Variants in LDHD observed in about 807,000 individuals in gnomAD.
LDHD encodes the protein lactate dehydrogenase D, also known as D-lactate dehydrogenase, mitochondrial.
A neutral mutation model predicts 52.9 loss-of-function variants in LDHD; 58 were observed. The ratio of observed to expected loss-of-function variants is 1.10; its 90% CI spans 0.89 to 1.36. The LOEUF (loss-of-function observed/expected upper bound fraction) is 1.36, where lower values mean the gene tolerates loss of function less well. Ranked by LOEUF, LDHD falls within the 40% of genes most tolerant of loss-of-function variation. The probability of loss-of-function intolerance (pLI) is 0.00; values close to 1 mark genes in which losing one functional copy is unlikely to be tolerated. For missense variants in LDHD, 747 were observed against 668.0 expected (o/e 1.12, Z -1.30); for synonymous variants, 350 against 288.6 (o/e 1.21, Z -2.16).
chr16:75,112,951 C>T (rs749102531), intron 8 of LDHD, 27 bp from the exon 9 acceptor site: 1 of 1,569,662 alleles, frequency 6.4e-7, no homozygotes, highest in Admixed American at 1.7e-5. Context: ...CTATGAGTTA[C>T]CCCTGCCTGA....
At chr16:75,115,498 C>T in intron 2 of LDHD, 50 bp downstream of exon 2, 2 of 1,590,632 alleles carry the variant, frequency 1.3e-6, no homozygotes, top group East Asian at 2.2e-5. Context: ...TCTCTCTCAG[C>T]TGGGGTTGAA....
rs113291489 is a variant in LDHD, at chr16:75,113,673, G to A, written c.959-11C>T. On this transcript the variant is annotated splice_polypyrimidine_tract_variant and intron_variant, in intron 7 of 10. Coordinates refer to ENST00000450168, the MANE Select transcript of LDHD (RefSeq NM_194436.3). Reference sequence around the variant, plus strand: ...GCTGGACTATCTCCTCTGCAGTTGGGGAAGGGGGGCTGACACCGGGCCGCC... The same window carrying A: ...GCTGGACTATCTCCTCTGCAGTTGGAGAAGGGGGGCTGACACCGGGCCGCC... 2.1e-5 allele frequency: 34 copies of A among 1,613,194 alleles called. No homozygotes were observed. The highest frequency in any genetic ancestry group is 1.6e-4 in the African/African-American group (12 of 75,044).
rs1173523546 is a variant in LDHD at position 75,114,853 on chromosome 16, C to T, written c.443G>A (p.Arg148Gln). The T allele has an allele frequency of 1.2e-6, 2 of 1,613,758 alleles. No individual in the cohort carries two copies. The highest frequency in any genetic ancestry group is 1.7e-6 in the Non-Finnish European group (2 of 1,179,876). The change falls in exon 4 of 11, where the codon CGG becomes CAG. Residue 148 changes from arginine to glutamine, a missense_variant. By Grantham distance (43) the Arg-to-Gln change is conservative. Coordinates refer to ENST00000450168, the MANE Select transcript of LDHD (RefSeq NM_194436.3). Reference sequence around the variant, plus strand: ...CACGGGAAACCAGAGGCCGCTGTCCCGCAGGTGGGCGTTGAGGGCTTTGCG... The same window carrying T: ...CACGGGAAACCAGAGGCCGCTGTCCTGCAGGTGGGCGTTGAGGGCTTTGCG... ...VTRKALNAHL[R>Q]DSGLWFPVDP...
intron 1 of LDHD, among the ~76,000 whole-genome samples, chr16:75,116,062 G>A (rs1011127260): frequency 6.6e-6 from 1 of 152,152 alleles, no homozygotes; most frequent in Non-Finnish European, 1.5e-5. Flanking sequence ...TAAAAAACCA[G>A]AATTCACTCT....
Position 75,113,955 on chromosome 16 carries a change from C to G in LDHD, c.829+11G>C. The G allele has an allele frequency of 6.2e-7, 1 of 1,602,746 alleles. No homozygotes were observed. The highest frequency in any genetic ancestry group is 8.5e-7 in the Non-Finnish European group (1 of 1,173,914). ...GGGAGCCCACCCTGACTGCCCCCAT[C>G]CTCAGCTCACCAATGCGGGCTACGG... On this transcript the variant is annotated intron_variant, in intron 6 of 10. Coordinates refer to ENST00000450168, the MANE Select transcript of LDHD (RefSeq NM_194436.3).
Position 75,116,699 on chromosome 16 carries a change from C to T in LDHD, c.22G>A (p.Ala8Thr), listed in dbSNP as rs747743844. 4 of 1,597,262 alleles carry T rather than the reference C, an allele frequency of 2.5e-6. No individual in the cohort carries two copies. In the South Asian group the frequency reaches 4.5e-5, roughly 18 times the overall value. The change falls in exon 1 of 11, where the codon GCA becomes ACA. Residue 8 changes from alanine (A) to threonine (T), a missense_variant. Ala to Thr is a moderately conservative substitution (Grantham distance 58). Coordinates refer to ENST00000450168, the MANE Select transcript of LDHD (RefSeq NM_194436.3). ...CTCCAGGGGAACAGCTCCCAGGTTG[C>T]AGACCTGAGCAGTCGGGCCATAGCC... is the stretch of plus-strand genomic sequence containing the variant. Reference protein sequence around the residue: MARLLRSATWELFPWRGY... With the variant: MARLLRSTTWELFPWRGY...
chr16:75,113,748 G>C lies in LDHD; in HGVS notation c.952C>G (p.Arg318Gly). 1 of 1,613,868 alleles carries C rather than the reference G, an allele frequency of 6.2e-7. No individual in the cohort carries two copies. Among genetic ancestry groups the C allele is most frequent in the South Asian group, 1.1e-5 (1 of 91,088 alleles). ...SQQALEEQLQ[R>G]TEEIVQQNGA... is the part of the protein sequence containing the mutation. The stretch of plus-strand genomic sequence containing the variant: ...CCACTCCACCCCAGCATACCTGTGC[G>C]CTGCAGCTGCTCCTCCAGTGCCTGC... The change falls in exon 7 of 11, where the codon CGC (arginine) becomes GGC (glycine). Residue 318 changes from arginine to glycine, a missense_variant. By Grantham distance (125) the Arg-to-Gly change is moderately radical. Coordinates refer to ENST00000450168, the MANE Select transcript of LDHD (RefSeq NM_194436.3).
chr16:75,115,641 A>T lies in LDHD; in HGVS notation c.92T>A (p.Phe31Tyr). Residue 31 changes from phenylalanine (F) to tyrosine (Y), a missense_variant, in exon 2 of 11, where the codon TTC becomes TAC. Physicochemically the swap from Phe to Tyr is conservative, Grantham distance 22. Transcript: ENST00000450168. The part of the protein sequence containing the change: ...QKAKGELCRD[F>Y]VEALKAVVGG... ...CACCACGGCCTTCAGAGCCTCTACG[A>T]AGTCCCTGCAGAGCTCTCCCTGCAG... 1 of 1,609,896 alleles carries T rather than the reference A, an allele frequency of 6.2e-7. No individual in the cohort carries two copies. Among genetic ancestry groups the T allele is most frequent in the Non-Finnish European group, 8.5e-7 (1 of 1,178,344 alleles).
intron 2 of LDHD, 36 bp from the exon 3 acceptor site, chr16:75,115,375 A>C (rs760995914): frequency 6.2e-7 from 1 of 1,611,372 alleles, no homozygotes; most frequent in South Asian, 1.1e-5. Flanking sequence ...GCGGGGCGTG[A>C]CACCCTCTGG....
In LDHD at chr16:75,114,013, T is replaced by A; in HGVS notation, c.782A>T (p.Asp261Val). 1.2e-6 allele frequency: 2 copies of A among 1,607,360 alleles called. No individual in the cohort carries two copies. Among genetic ancestry groups the A allele is most frequent in the Non-Finnish European group, 1.7e-6 (2 of 1,178,192 alleles). The stretch of plus-strand genomic sequence containing the variant: ...AGCCTGGAGGATGTGTACAGTGCTG[T>A]CCACAGCAGCCTGGACACTGGGGAA... Reference protein sequence around the residue: ...CAFPSVQAAVDSTVHILQAAV... With the variant: ...CAFPSVQAAVVSTVHILQAAV... The change falls in exon 6 of 11, where the codon GAC becomes GTC. Residue 261 changes from aspartate (D) to valine (V), a missense_variant. Asp to Val is a radical substitution (Grantham distance 152). Transcript: ENST00000450168.
At chr16:75,112,736 T>C in intron 9 of LDHD, 23 bp from the exon 10 acceptor site, 2 of 1,609,150 alleles carry the variant, frequency 1.2e-6, no homozygotes, top group Non-Finnish European at 1.7e-6. Flanking sequence ...AGGACAGAAC[T>C]ATTCTCCAGC....
In LDHD at chr16:75,115,178, G is replaced by A. The variant is rs775450207; in HGVS notation, c.327+20C>T. 4 of 1,606,382 alleles carry A rather than the reference G, an allele frequency of 2.5e-6. No individual in the cohort carries two copies. In the Admixed American group the frequency reaches 5.0e-5, roughly 20 times the overall value. On this transcript the variant is annotated intron_variant, in intron 3 of 10. Transcript: ENST00000450168. The stretch of plus-strand genomic sequence containing the variant: ...TGTGCTGGGACCATCCTCGGGCCGG[G>A]CGAGGGAGCCCCACTGTACCTGCAC...
chr16:75,115,042 C>T, intron 3 of LDHD, 74 bp from the exon 4 acceptor site: 1 of 1,546,800 alleles, frequency 6.5e-7, no homozygotes, highest in Non-Finnish European at 8.8e-7. Flanking sequence ...CCACACCCCG[C>T]GGGTGTCCCC....
rs771434976 is a variant in LDHD, at chr16:75,115,583, G to A, written c.150C>T (p.Val50=). 1.9e-6 allele frequency: 3 copies of A among 1,612,832 alleles called. No homozygotes were observed. Among genetic ancestry groups the A allele is most frequent in the African/African-American group, 2.7e-5 (2 of 74,898 alleles). ...ACTCATCGCGCCCGTGCTGCTCTCG[G>A]ACCACCGCGGCAGTGGACACGTGGG... The part of the protein sequence containing the change: ...GGSHVSTAAV[V]REQHGRDESV... The change falls in exon 2 of 11, where the codon GTC becomes GTT. Residue 50 remains valine (V), a synonymous_variant. Transcript: ENST00000450168.
At chr16:75,116,423 G>C (rs1450834624) in intron 1 of LDHD, among the ~76,000 whole-genome samples, 1 of 152,162 alleles carries the variant, frequency 6.6e-6, no homozygotes, top group Non-Finnish European at 1.5e-5. Flanking sequence ...TATTCCAGGG[G>C]CATCCATTTG....
At chr16:75,114,378 C>T in intron 5 of LDHD, 148 bp downstream of exon 5, 2 of 1,381,780 alleles carry the variant, frequency 1.4e-6, no homozygotes, top group Non-Finnish European at 1.9e-6. Flanking sequence ...CCACTTTGGC[C>T]CAGCTGACAG....
In LDHD at chr16:75,115,218, C is replaced by T; in HGVS notation, c.307G>A (p.Gly103Ser). ...IPFGTGTGLE[G>S]GVCAVQGGVC... ...TGTACCTGCACAGCACAGACGCCAC[C>T]CTCAAGCCCGGTGCCGGTGCCGAAT... The change falls in exon 3 of 11, where the codon GGT becomes AGT. Residue 103 changes from glycine to serine, a missense_variant. Coordinates refer to ENST00000450168, the MANE Select transcript of LDHD (RefSeq NM_194436.3). 2 of 1,612,990 alleles carry T rather than the reference C, an allele frequency of 1.2e-6. No homozygotes were observed. Among genetic ancestry groups the T allele is most frequent in the South Asian group, 1.1e-5 (1 of 91,082 alleles).
chr16:75,113,921 C>A (rs755653719), intron 6 of LDHD, 45 bp downstream of exon 6: 7 of 1,610,376 alleles, frequency 4.3e-6, no homozygotes, highest in Non-Finnish European at 5.9e-6. Flanking sequence ...TCCCAGGGGG[C>A]CTCTTCCAGG....
rs1485284806 is a variant in LDHD, at chr16:75,111,943, C to T, written c.*413G>A. ...GACCTATCATCATGTCACGGGAGCTCACGTTCCATACCAGGAAAGGAGTGT... is the reference window on the plus strand; with the variant it reads ...GACCTATCATCATGTCACGGGAGCTTACGTTCCATACCAGGAAAGGAGTGT... On this transcript the variant is annotated 3_prime_UTR_variant, in exon 11 of 11. Coordinates refer to ENST00000450168, the MANE Select transcript of LDHD (RefSeq NM_194436.3). 1 of 169,948 alleles carries T rather than the reference C, an allele frequency of 5.9e-6. No individual in the cohort carries two copies. The allele number at this position is 169,948 out of a possible 1,614,324, so 10.5% of individuals were successfully genotyped here. A position where few individuals can be genotyped will look rare whatever the true frequency, so the allele number is the denominator to read the frequency against.
Sources: allele counts gnomAD v4.1 joint callset (sites outside exome capture counted in the v4.1 genomes callset), GRCh38; gene constraint gnomAD v4.1.1; transcripts MANE v1.5; gene names NCBI Gene and HGNC (gene_info 2026-07-23, HGNC 2026-07-21).